NOP9: variants seen among roughly 807,000 people sequenced by gnomAD.
NOP9 encodes NOP9 nucleolar protein.
NOP9 carries 50 observed loss-of-function variants against 63.0 expected under a neutral mutation model. The observed-to-expected ratio is 0.79, with a 90% confidence interval of 0.63 to 1.00. The LOEUF (loss-of-function observed/expected upper bound fraction) is 1.00, where lower values mean the gene tolerates loss of function less well. Ranked by LOEUF, NOP9 falls within the 50% of genes least tolerant of loss-of-function variation. The pLI, the probability that NOP9 is intolerant of heterozygous loss-of-function variation, is 0.00. For missense variants in NOP9, 758 were observed against 803.0 expected (o/e 0.94, Z 0.68); for synonymous variants, 343 against 332.8 (o/e 1.03, Z -0.33).
chr14:24,301,630 C>G lies in NOP9; in HGVS notation c.716C>G (p.Ala239Gly). ...SQSSEAQKTP[A>G]QECKPADFEV... ...CCTTCAGAAGCACAGAAGACCCCAG[C>G]TCAGGAATGTAAGCCAGCTGATTTT... The change falls in exon 3 of 10, where the codon GCT becomes GGT. Residue 239 changes from alanine (A) to glycine (G), a missense_variant. Transcript: ENST00000267425. The G allele has an allele frequency of 6.2e-7, 1 of 1,614,126 alleles. No homozygotes were observed. The highest frequency in any genetic ancestry group is 8.5e-7 in the Non-Finnish European group (1 of 1,179,970).
chr14:24,291,622 T>G, the NOP9 span: 1 of 1,614,228 alleles, frequency 6.2e-7, no homozygotes, highest in South Asian at 1.1e-5. Context: ...AAGGCTGATT[T>G]GAACTGAAAC....
upstream of NOP9, chr14:24,298,700 C>T (rs2139106857): frequency 7.6e-6 from 3 of 396,682 alleles, no homozygotes; most frequent in East Asian, 4.7e-5. Flanking sequence ...CCTCAGCCTC[C>T]GGAGTAGCTG....
Position 24,300,634 on chromosome 14 carries a change from G to C in NOP9, c.474G>C (p.Gly158=), listed in dbSNP as rs150825796. 101 of 1,500,424 alleles carry C rather than the reference G, an allele frequency of 6.7e-5. No homozygotes were observed. The highest frequency in any genetic ancestry group is 9.0e-5 in the Non-Finnish European group (98 of 1,088,060). 92.9% of individuals were successfully genotyped at this position (1,500,424 alleles called of 1,614,324 possible). Residue 158 remains glycine (G), a synonymous_variant, in exon 2 of 10, where the codon GGG becomes GGC. Coordinates refer to ENST00000267425, the MANE Select transcript of NOP9 (RefSeq NM_174913.3). ...SALLQLPRLL[G]SAAEEEEEEE... is the part of the protein sequence containing the mutation. ...TGCTACAGCTCCCTCGATTGCTGGG[G>C]AGTGCTGCAGAGGAGGAGGAGGAGG...
At chr14:24,278,825 C>G in the NOP9 span, among the ~76,000 whole-genome samples, 1 of 152,250 alleles carries the variant, frequency 6.6e-6, no homozygotes, top group South Asian at 2.1e-4. Context: ...GTGTGTGGCC[C>G]ATTTTGAGAG....
At chr14:24,273,525 GA>G in the NOP9 span, among the ~76,000 whole-genome samples, 3 of 152,190 alleles carry the variant, frequency 2.0e-5, no homozygotes. Context: ...TCAGCCCCTG[GA>G]AATGTATGTA....
Position 24,300,765 on chromosome 14 carries a change from A to C in NOP9, c.605A>C (p.His202Pro). ...TTTCTTGTCTACTGTGGAGACACACATGGCAGCTTCGTGGTCAGAACTCTG... is the reference window on the plus strand; with the variant it reads ...TTTCTTGTCTACTGTGGAGACACACCTGGCAGCTTCGTGGTCAGAACTCTG... ...DDFLVYCGDT[H>P]GSFVVRTLLQ... Residue 202 changes from histidine (H) to proline (P), a missense_variant, in exon 2 of 10, where the codon CAT becomes CCT. By Grantham distance (77) the His-to-Pro change is moderately conservative. Coordinates refer to ENST00000267425, the MANE Select transcript of NOP9 (RefSeq NM_174913.3). 1 of 1,614,192 alleles carries C rather than the reference A, an allele frequency of 6.2e-7. No homozygotes were observed.
At position 24,303,046 on chromosome 14, in the gene NOP9, C is replaced by G. The variant is rs1247830797; in HGVS notation, c.1144-28C>G. On this transcript the variant is annotated intron_variant, in intron 5 of 9. Transcript: ENST00000267425. ...ATGTGGTCCGCCATTACCAGAATGC[C>G]AGAGTTACATTCCATGTTTCCCATC... 5 of 1,500,842 alleles carry G rather than the reference C, an allele frequency of 3.3e-6. No homozygotes were observed. The Admixed American group carries it at 9.7e-5, about 29-fold the overall frequency. 93.0% of individuals were successfully genotyped at this position (1,500,842 alleles called of 1,614,324 possible). A position where few individuals can be genotyped will look rare whatever the true frequency, so the allele number is the denominator to read the frequency against.
intron 4 of NOP9, 29 bp from the exon 5 acceptor site, chr14:24,302,203 A>C: frequency 6.2e-7 from 1 of 1,604,358 alleles, no homozygotes; most frequent in Non-Finnish European, 8.5e-7. Flanking sequence ...AATGGAGTTA[A>C]GACTGCCTGA....
upstream of NOP9, chr14:24,299,351 A>G (rs1004380258): frequency 6.4e-5 from 32 of 501,618 alleles, no homozygotes; most frequent in African/African-American, 5.8e-4. Flanking sequence ...GCTGAGTGGG[A>G]CTGTCCAGAG....
chr14:24,303,871 G>A lies in NOP9; in HGVS notation c.1410+14G>A, dbSNP rs1001042178. 6.2e-7 allele frequency: 1 copy of A among 1,613,208 alleles called. No homozygotes were observed. Among genetic ancestry groups the A allele is most frequent in the African/African-American group, 1.3e-5 (1 of 74,912 alleles). Reference sequence around the variant, plus strand: ...GCAGAGCACCAGGTGAGGTAGGGGAGAGGCCAAGCCAGTGACTAATTGGGA... The same window carrying A: ...GCAGAGCACCAGGTGAGGTAGGGGAAAGGCCAAGCCAGTGACTAATTGGGA... On this transcript the variant is annotated intron_variant, in intron 7 of 9. Coordinates refer to ENST00000267425, the MANE Select transcript of NOP9 (RefSeq NM_174913.3).
chr14:24,299,815 G>T, upstream of NOP9: 2 of 1,130,126 alleles, frequency 1.8e-6, no homozygotes, highest in Non-Finnish European at 2.4e-6. Flanking sequence ...CTGGGGCGGC[G>T]CGGAACTATG....
the NOP9 span, chr14:24,291,799 C>T: frequency 1.5e-6 from 1 of 676,192 alleles, no homozygotes; most frequent in Non-Finnish European, 2.6e-6. Context: ...CACTCCTCCC[C>T]ACATCCAGGT....
At chr14:24,303,026 G>T (rs758752197) in intron 5 of NOP9, 48 bp from the exon 6 acceptor site, 1 of 1,489,838 alleles carries the variant, frequency 6.7e-7, no homozygotes, top group East Asian at 2.4e-5. Context: ...GAATAATGTG[G>T]TCCGCCATTA....
At chr14:24,282,214 C>A in the NOP9 span, among the ~76,000 whole-genome samples, 1 of 152,228 alleles carries the variant, frequency 6.6e-6, no homozygotes. Flanking sequence ...AAACCAGACA[C>A]AAGAAAGCAG....
Position 24,305,088 on chromosome 14 carries a change from A to G in NOP9, c.1904A>G (p.Glu635Gly). The G allele has an allele frequency of 6.6e-7, 1 of 1,525,534 alleles. No homozygotes were observed. The highest frequency in any genetic ancestry group is 8.8e-7 in the Non-Finnish European group (1 of 1,132,522). 94.5% of individuals were successfully genotyped at this position (1,525,534 alleles called of 1,614,324 possible). Residue 635 changes from glutamate to glycine, a missense_variant, in exon 10 of 10, where the codon GAA becomes GGA. Physicochemically the swap from Glu to Gly is moderately conservative, Grantham distance 98. Transcript: ENST00000267425. ...AGGCGGGCATTGAACTCCATACTTG[A>G]AGACTGAGGCTTTGGATCTGGGACT... The part of the protein sequence containing the change: ...KRRRALNSIL[E>G]D
At chr14:24,299,161 G>C, upstream of NOP9, 1 of 1,571,754 alleles carries the variant, frequency 6.4e-7, no homozygotes. Flanking sequence ...TCTGAGGGAA[G>C]CCTGGAGACT....
upstream of NOP9, chr14:24,298,701 G>C: frequency 5.1e-6 from 2 of 394,520 alleles, no homozygotes; most frequent in Non-Finnish European, 9.3e-6. Context: ...CTCAGCCTCC[G>C]GAGTAGCTGC....
At chr14:24,279,653 G>A in the NOP9 span, among the ~76,000 whole-genome samples, 3 of 152,198 alleles carry the variant, frequency 2.0e-5, no homozygotes, top group African/African-American at 7.2e-5. Context: ...GAGCCAGCCA[G>A]AACTGAAGCC....
upstream of NOP9, chr14:24,299,686 G>T (rs1162411934): frequency 2.3e-6 from 1 of 426,022 alleles, no homozygotes; most frequent in Non-Finnish European, 4.2e-6. Flanking sequence ...TTCAAGGATT[G>T]ATTCTGTAGT....
Sources: allele counts gnomAD v4.1 joint callset (sites outside exome capture counted in the v4.1 genomes callset), GRCh38; gene constraint gnomAD v4.1.1; transcripts MANE v1.5; gene names NCBI Gene and HGNC (gene_info 2026-07-23, HGNC 2026-07-21).